The following NR2C1 variants were observed in gnomAD, a reference collection of about 807,000 sequenced individuals.
NR2C1 encodes nuclear receptor subfamily 2 group C member 1.
In NR2C1, 33 loss-of-function variants were observed where a neutral mutation model predicts 74.8. The observed-to-expected ratio is 0.44, with a 90% CI of 0.33 to 0.59. The LOEUF (loss-of-function observed/expected upper bound fraction) is 0.59. Ranked by LOEUF, NR2C1 falls within the 20% of genes least tolerant of loss-of-function variation. NR2C1 has a pLI of 0.02. For missense variants in NR2C1, 568 were observed against 715.6 expected (o/e 0.79, Z 2.35); for synonymous variants, 225 against 240.6 (o/e 0.94, Z 0.60).
At chr12:95,027,911 TTA>T (rs1869562652) in intron 12 of NR2C1, among the ~76,000 whole-genome samples, 1 of 152,168 alleles carries the variant, frequency 6.6e-6, no homozygotes, top group South Asian at 2.1e-4. Context: ...CTTACCTATT[TTA>T]TGTCTATACA....
intron 7 of NR2C1, among the ~76,000 whole-genome samples, chr12:95,057,232 G>A (rs1874054877): frequency 6.7e-6 from 1 of 150,262 alleles, no homozygotes; most frequent in African/African-American, 2.4e-5. Context: ...AGCCTCCCGA[G>A]TAGCTGGGAT....
At chr12:95,046,074 A>C (rs1204082793) in intron 9 of NR2C1, among the ~76,000 whole-genome samples, 6 of 152,172 alleles carry the variant, frequency 3.9e-5, no homozygotes, top group Non-Finnish European at 8.8e-5. Flanking sequence ...TCCTGACCTC[A>C]GGTGATCTGC....
At position 95,049,155 on chromosome 12, in the gene NR2C1, T is replaced by G; in HGVS notation, c.1044A>C (p.Gly348=). The G allele has an allele frequency of 1.9e-6, 3 of 1,614,130 alleles. No homozygotes were observed. Among genetic ancestry groups the G allele is most frequent in the Non-Finnish European group, 2.5e-6 (3 of 1,179,986 alleles). The change falls in exon 9 of 14, where the codon GGA becomes GGC. Residue 348 remains glycine (G), a synonymous_variant. Coordinates refer to ENST00000333003, the MANE Select transcript of NR2C1 (RefSeq NM_003297.4). ...AATCTCCAGTGATTAGGTGTACACT[T>G]CCTTCCATGCCCGCTACTGAGCTCT... is the stretch of plus-strand genomic sequence containing the variant. ...ACQSSVAGME[G]SVHLITGDSS... is the part of the protein sequence containing the mutation.
At chr12:95,050,012 C>G (rs1872767135) in intron 8 of NR2C1, among the ~76,000 whole-genome samples, 1 of 152,120 alleles carries the variant, frequency 6.6e-6, no homozygotes, top group Admixed American at 6.6e-5. Context: ...GTTGCTAAGG[C>G]TGGTCTCCCA....
chr12:95,048,615 C>G (rs2136147802), intron 9 of NR2C1, among the ~76,000 whole-genome samples: 1 of 145,512 alleles, frequency 6.9e-6, no homozygotes, highest in East Asian at 2.0e-4. Flanking sequence ...TTTCTATATG[C>G]AGATGAGTTT....
At chr12:95,070,465 G>GGTTAGACT (rs960267945) in intron 1 of NR2C1, among the ~76,000 whole-genome samples, 43 of 152,258 alleles carry the variant, frequency 2.8e-4, no homozygotes, top group African/African-American at 9.9e-4. Flanking sequence ...GTTGGTGGAA[G>GGTTAGACT]GTTAGACTGT....
chr12:95,040,395 T>C, intron 10 of NR2C1, 81 bp downstream of exon 10: 1 of 1,374,890 alleles, frequency 7.3e-7, no homozygotes, highest in Non-Finnish European at 9.8e-7. Flanking sequence ...TTAATGCAAA[T>C]CTTCCCAAAA....
At chr12:95,067,308 C>A (rs1166739417) in intron 2 of NR2C1, 23 bp downstream of exon 2, 2 of 1,604,860 alleles carry the variant, frequency 1.2e-6, no homozygotes, top group Non-Finnish European at 1.7e-6. Context: ...TGGGCCAGTG[C>A]ATCAACCGTA....
At chr12:95,064,488 T>A (rs920045265) in intron 2 of NR2C1, among the ~76,000 whole-genome samples, 3 of 152,096 alleles carry the variant, frequency 2.0e-5, no homozygotes, top group Non-Finnish European at 4.4e-5. Context: ...TAAATTGGGA[T>A]TTACTTACTT....
intron 7 of NR2C1, among the ~76,000 whole-genome samples, chr12:95,054,624 G>GC (rs1341877971): frequency 6.6e-6 from 1 of 151,992 alleles, no homozygotes; most frequent in Non-Finnish European, 1.5e-5. Context: ...GTTAAGCACT[G>GC]CCCCAAGAAA....
At chr12:95,034,686 T>C (rs1219473814) in intron 10 of NR2C1, among the ~76,000 whole-genome samples, 1 of 152,104 alleles carries the variant, frequency 6.6e-6, no homozygotes. Context: ...CATATTTTTA[T>C]GGACACTTCT....
chr12:95,060,973 T>TA (rs1464954803), intron 3 of NR2C1, among the ~76,000 whole-genome samples: 1 of 152,244 alleles, frequency 6.6e-6, no homozygotes, highest in Non-Finnish European at 1.5e-5. Context: ...TATTACTCTT[T>TA]AATAGCCTAC....
intron 9 of NR2C1, 43 bp downstream of exon 9, chr12:95,049,025 C>T (rs1377366194): frequency 6.5e-7 from 1 of 1,541,956 alleles, no homozygotes; most frequent in Non-Finnish European, 8.9e-7. Context: ...AGATCAAAAT[C>T]AAGCAACACA....
At chr12:95,031,592 A>C in intron 10 of NR2C1, 104 bp from the exon 11 acceptor site, 1 of 780,974 alleles carries the variant, frequency 1.3e-6, no homozygotes, top group Non-Finnish European at 1.8e-6. Flanking sequence ...TACTAAACTA[A>C]AATTATTCTA....
intron 10 of NR2C1, among the ~76,000 whole-genome samples, chr12:95,039,386 A>G (rs1592742317): frequency 1.3e-5 from 2 of 152,234 alleles, no homozygotes; most frequent in Admixed American, 1.3e-4. Flanking sequence ...ACAGGTATAC[A>G]GGATGTGAAA....
intron 7 of NR2C1, among the ~76,000 whole-genome samples, chr12:95,056,612 T>TA (rs1320385694): frequency 6.6e-6 from 1 of 151,900 alleles, no homozygotes; most frequent in Non-Finnish European, 1.5e-5. Flanking sequence ...CACTAAAAAA[T>TA]AAAAAAAGTA....
At chr12:95,031,276 CT>C (rs1181538387) in intron 11 of NR2C1, 72 bp downstream of exon 11, 1 of 1,266,532 alleles carries the variant, frequency 7.9e-7, no homozygotes, top group Non-Finnish European at 1.1e-6. Flanking sequence ...AGATATCTAA[CT>C]TTAGTCATAA....
intron 9 of NR2C1, among the ~76,000 whole-genome samples, chr12:95,044,693 AC>A (rs1872084743): frequency 6.6e-6 from 1 of 152,148 alleles, no homozygotes; most frequent in African/African-American, 2.4e-5. Flanking sequence ...AGCATGGGCA[AC>A]ATGATGAAAC....
At chr12:95,030,148 C>G (rs1163743344) in intron 11 of NR2C1, among the ~76,000 whole-genome samples, 1 of 152,190 alleles carries the variant, frequency 6.6e-6, no homozygotes, top group Non-Finnish European at 1.5e-5. Context: ...GCTGGAATTA[C>G]AGGTGTGAAC....
Sources: allele counts gnomAD v4.1 joint callset (sites outside exome capture counted in the v4.1 genomes callset), GRCh38; gene constraint gnomAD v4.1.1; transcripts MANE v1.5; gene names NCBI Gene and HGNC (gene_info 2026-07-23, HGNC 2026-07-21).